The following FRMD5 variants were observed in gnomAD, a reference collection of about 807,000 sequenced individuals.
FRMD5 encodes FERM domain-containing protein 5.
Under a neutral mutation model 69.0 loss-of-function variants are expected in FRMD5, and 20 were observed. The observed-to-expected ratio is 0.29, with a 90% CI of 0.20 to 0.42. FRMD5 has a LOEUF of 0.42. Ranked by LOEUF, FRMD5 falls within the 10% of genes least tolerant of loss-of-function variation. The probability of loss-of-function intolerance (pLI) is 1.00; values close to 1 mark genes in which losing one functional copy is unlikely to be tolerated. For missense variants in FRMD5, 595 were observed against 708.6 expected (o/e 0.84, Z 1.82); for synonymous variants, 271 against 260.1 (o/e 1.04, Z -0.40).
chr15:44,137,680 A>G (rs1008908450), intron 1 of FRMD5, among the ~76,000 whole-genome samples: 9 of 152,310 alleles, frequency 5.9e-5, no homozygotes, highest in African/African-American at 2.2e-4. Context: ...ATATGATTAT[A>G]TGATAGTAAT....
chr15:44,104,058 T>C (rs551570015), intron 1 of FRMD5, among the ~76,000 whole-genome samples: 26 of 152,326 alleles, frequency 1.7e-4, no homozygotes, highest in African/African-American at 6.0e-4. Flanking sequence ...TAACCATGTG[T>C]GTTATTTCCC....
intron 1 of FRMD5, among the ~76,000 whole-genome samples, chr15:43,952,565 C>T (rs1008180586): frequency 6.6e-6 from 1 of 152,184 alleles, no homozygotes; most frequent in African/African-American, 2.4e-5. Context: ...AGAGGGAACG[C>T]TTGGGTGACC....
intron 1 of FRMD5, among the ~76,000 whole-genome samples, chr15:44,006,684 A>G (rs1403247769): frequency 6.6e-6 from 1 of 152,206 alleles, no homozygotes; most frequent in Non-Finnish European, 1.5e-5. Context: ...CAGTGGAGGA[A>G]GTAACTGCAG....
intron 1 of FRMD5, among the ~76,000 whole-genome samples, chr15:44,093,650 G>A (rs2076508374): frequency 6.6e-6 from 1 of 150,494 alleles, no homozygotes; most frequent in Admixed American, 6.6e-5. Flanking sequence ...TCAGCTCACT[G>A]CAAGCTCCAT....
chr15:43,971,056 C>T (rs1315353873), intron 1 of FRMD5, among the ~76,000 whole-genome samples: 1 of 150,816 alleles, frequency 6.6e-6, no homozygotes, highest in African/African-American at 2.5e-5. Context: ...GAAACCTTGT[C>T]TCTACTAAAA....
chr15:44,163,478 T>C (rs534661524), intron 1 of FRMD5, among the ~76,000 whole-genome samples: 23 of 152,340 alleles, frequency 1.5e-4, no homozygotes, highest in South Asian at 8.3e-4. Context: ...GGTACACTTC[T>C]TTAGCTTTAA....
chr15:44,192,643 G>T (rs955379247), intron 1 of FRMD5, among the ~76,000 whole-genome samples: 3 of 152,110 alleles, frequency 2.0e-5, no homozygotes, highest in Non-Finnish European at 2.9e-5. Context: ...GATAAGAAAA[G>T]CTCAATTTCT....
chr15:44,084,231 C>G (rs1894102972), intron 1 of FRMD5, among the ~76,000 whole-genome samples: 1 of 151,982 alleles, frequency 6.6e-6, no homozygotes, highest in South Asian at 2.1e-4. Flanking sequence ...ACACACCTAT[C>G]TTTACATTAT....
intron 1 of FRMD5, among the ~76,000 whole-genome samples, chr15:44,185,176 C>T (rs529212216): frequency 2.8e-4 from 43 of 152,258 alleles, no homozygotes; most frequent in African/African-American, 1.0e-3. Context: ...AAGCAAACTC[C>T]TCTCCTGGTT....
At chr15:44,031,051 G>T (rs1407323309) in intron 1 of FRMD5, among the ~76,000 whole-genome samples, 1 of 152,086 alleles carries the variant, frequency 6.6e-6, no homozygotes. Context: ...AAAAGCTCTG[G>T]CCAAGTGACT....
At chr15:44,086,921 A>G (rs2059625) in intron 1 of FRMD5, among the ~76,000 whole-genome samples, 151,671 of 152,274 alleles carry the variant, frequency 1, 75,537 homozygotes, top group Middle Eastern at 1. Flanking sequence ...AAGGATTTCC[A>G]TTCACTGTAA....
At chr15:43,887,611 G>A (rs1196713567) in intron 10 of FRMD5, among the ~76,000 whole-genome samples, 1 of 152,198 alleles carries the variant, frequency 6.6e-6, no homozygotes, top group African/African-American at 2.4e-5. Flanking sequence ...ACCCAGTTCT[G>A]CCAGCCAGCA....
chr15:43,902,168 G>T lies in FRMD5; in HGVS notation c.639+7C>A, dbSNP rs1280266749. ...AGGTCATGCAGTCTCCAACCAGGGG[G>T]TCTTACCTTACATGGGTGAGGATCC... is the stretch of plus-strand genomic sequence containing the variant. On this transcript the variant is annotated splice_region_variant and intron_variant, in intron 7 of 13. Transcript: ENST00000417257. 6.2e-7 allele frequency: 1 copy of T among 1,609,320 alleles called. No homozygotes were observed.
chr15:44,127,476 T>C lies in FRMD5; in HGVS notation c.102+67477A>G, dbSNP rs561235449. On this transcript the variant is annotated intron_variant, in intron 1 of 13. Transcript: ENST00000417257. The stretch of plus-strand genomic sequence containing the variant: ...AGTCTTCAGTGTTCATTTCAGAAAC[T>C]GAAAAGCAATGACTATCCATCACCA... Among the ~76,000 whole-genome samples, 3 of 152,308 alleles carry C rather than the reference T, an allele frequency of 2.0e-5. No homozygotes were observed. The East Asian group carries it at 5.8e-4, about 29-fold the overall frequency.
At chr15:43,893,799 G>A (rs1174548267) in intron 7 of FRMD5, among the ~76,000 whole-genome samples, 1 of 152,134 alleles carries the variant, frequency 6.6e-6, no homozygotes, top group Non-Finnish European at 1.5e-5. Context: ...AGCCTGATTG[G>A]TCGCAAGAAC....
At chr15:43,910,572 CAA>C (rs1167867396) in intron 4 of FRMD5, among the ~76,000 whole-genome samples, 18 of 40,362 alleles carry the variant, frequency 4.5e-4, no homozygotes, top group East Asian at 2.3e-3. Flanking sequence ...GACCTTGTCT[CAA>C]AAAAAAAAAA....
intron 11 of FRMD5, 153 bp downstream of exon 11, chr15:43,885,528 G>A (rs1466919163): frequency 1.5e-6 from 1 of 666,054 alleles, no homozygotes; most frequent in Non-Finnish European, 2.7e-6. Context: ...GAAGGAAATA[G>A]TAAAAGGGTC....
intron 1 of FRMD5, among the ~76,000 whole-genome samples, chr15:44,035,908 A>C (rs750935413): frequency 2.0e-5 from 3 of 152,148 alleles, no homozygotes; most frequent in Non-Finnish European, 4.4e-5. Context: ...TTTGTCCTGA[A>C]GCCAACTAAC....
At chr15:43,881,747 A>G (rs1250818158) in intron 13 of FRMD5, among the ~76,000 whole-genome samples, 1 of 152,230 alleles carries the variant, frequency 6.6e-6, no homozygotes, top group Non-Finnish European at 1.5e-5. Flanking sequence ...AAGATACTCA[A>G]GTAACTTGAT....
Sources: gnomAD v4.1 joint callset for allele counts (sites outside exome capture counted in the v4.1 genomes callset) on GRCh38, gnomAD v4.1.1 for gene constraint, MANE v1.5 for transcripts, NCBI Gene and HGNC (gene_info 2026-07-23, HGNC 2026-07-21) for gene names.